Variants in CHD7 observed in about 807,000 individuals in gnomAD.
The protein encoded by CHD7 is ATP-dependent chromatin remodeler CHD7.
Under a neutral mutation model 307.3 loss-of-function variants are expected in CHD7, and 24 were observed. That is an observed-to-expected ratio of 0.08 (90% CI 0.06 to 0.11). CHD7 has a LOEUF of 0.11. CHD7 is among the 10% of genes least tolerant of loss of function. The pLI is 1.00. For synonymous variants in CHD7, 1,363 were observed against 1,349.9 expected (o/e 1.01, Z -0.21); for missense variants, 3,106 against 3,727.1 (o/e 0.83, Z 4.34).
At chr8:60,765,686 G>A (rs1030308763) in intron 2 of CHD7, among the ~76,000 whole-genome samples, 4 of 152,244 alleles carry the variant, frequency 2.6e-5, no homozygotes, top group African/African-American at 9.6e-5. Flanking sequence ...TGGTGGAGAG[G>A]AGGACATGGG....
At chr8:60,806,062 A>C (rs2150719430) in intron 6 of CHD7, among the ~76,000 whole-genome samples, 1 of 152,188 alleles carries the variant, frequency 6.6e-6, no homozygotes, top group South Asian at 2.1e-4. Flanking sequence ...ATATAAAGAT[A>C]ATATATCTTA....
chr8:60,852,470 A>G (rs1805498407), intron 29 of CHD7, 28 bp from the exon 30 acceptor site: 35 of 1,583,014 alleles, frequency 2.2e-5, no homozygotes, highest in Non-Finnish European at 2.9e-5. Context: ...CTGAAGTATG[A>G]TGCAAGCTAA....
intron 15 of CHD7, among the ~76,000 whole-genome samples, chr8:60,832,085 G>T (rs1052954734): frequency 1.3e-5 from 2 of 152,014 alleles, no homozygotes; most frequent in Admixed American, 6.6e-5. Flanking sequence ...GCGGTGGCAC[G>T]ATCTCGGCTC....
chr8:60,790,834 C>T (rs139400744), intron 3 of CHD7, among the ~76,000 whole-genome samples: 5 of 152,268 alleles, frequency 3.3e-5, no homozygotes, highest in African/African-American at 1.2e-4. Flanking sequence ...TTATATATCC[C>T]TTGTATGGGG....
At chr8:60,729,205 A>G (rs1257736914) in intron 1 of CHD7, among the ~76,000 whole-genome samples, 1 of 152,204 alleles carries the variant, frequency 6.6e-6, no homozygotes, top group African/African-American at 2.4e-5. Flanking sequence ...GGCTGAGGAA[A>G]TTTGGCATTT....
At chr8:60,734,255 C>G (rs1808593753) in intron 1 of CHD7, among the ~76,000 whole-genome samples, 2 of 152,148 alleles carry the variant, frequency 1.3e-5, no homozygotes, top group Admixed American at 1.3e-4. Flanking sequence ...GCACAGGAAT[C>G]ACTTGGGGCC....
intron 2 of CHD7, among the ~76,000 whole-genome samples, chr8:60,776,273 C>T (rs1024726064): frequency 6.6e-6 from 1 of 152,162 alleles, no homozygotes; most frequent in African/African-American, 2.4e-5. Context: ...TTCATTAATA[C>T]TGATTTTAAT....
At chr8:60,772,429 G>T (rs1449328374) in intron 2 of CHD7, among the ~76,000 whole-genome samples, 1 of 152,144 alleles carries the variant, frequency 6.6e-6, no homozygotes. Context: ...TGCTTTTCCA[G>T]AACCAAATTC....
At chr8:60,695,214 T>G (rs1292242089) in intron 1 of CHD7, among the ~76,000 whole-genome samples, 1 of 152,152 alleles carries the variant, frequency 6.6e-6, no homozygotes, top group Non-Finnish European at 1.5e-5. Flanking sequence ...AAGATCACCT[T>G]AGAAAGGTTT....
chr8:60,789,561 C>T (rs928715861), intron 3 of CHD7, among the ~76,000 whole-genome samples: 4 of 152,200 alleles, frequency 2.6e-5, no homozygotes, highest in Admixed American at 6.5e-5. Context: ...ACATTTGGGT[C>T]CACAATGTGG....
intron 1 of CHD7, among the ~76,000 whole-genome samples, chr8:60,690,799 TG>T (rs1441893758): frequency 1.3e-5 from 2 of 152,206 alleles, no homozygotes; most frequent in Non-Finnish European, 2.9e-5. Context: ...GGTGAATGGT[TG>T]GGCTATGGGA....
At chr8:60,855,690 T>C (rs1444230100) in intron 32 of CHD7, among the ~76,000 whole-genome samples, 1 of 152,260 alleles carries the variant, frequency 6.6e-6, no homozygotes, top group Non-Finnish European at 1.5e-5. Context: ...AAGGTGGTGA[T>C]TATGTAGTAC....
At chr8:60,682,520 T>C (rs1201534299) in intron 1 of CHD7, among the ~76,000 whole-genome samples, 1 of 152,236 alleles carries the variant, frequency 6.6e-6, no homozygotes, top group African/African-American at 2.4e-5. Flanking sequence ...CTTTCAAACC[T>C]AAGATTACAG....
chr8:60,682,515 A>T (rs534127131), intron 1 of CHD7, among the ~76,000 whole-genome samples: 1 of 152,330 alleles, frequency 6.6e-6, no homozygotes, highest in African/African-American at 2.4e-5. Context: ...TAGTTCTTTC[A>T]AACCTAAGAT....
At chr8:60,725,132 C>A (rs1367333303) in intron 1 of CHD7, among the ~76,000 whole-genome samples, 1 of 152,212 alleles carries the variant, frequency 6.6e-6, no homozygotes, top group East Asian at 1.9e-4. Context: ...AACACCTAGC[C>A]CAGGGCCTCT....
intron 15 of CHD7, among the ~76,000 whole-genome samples, chr8:60,834,167 ATTAT>A (rs1804645971): frequency 6.6e-6 from 1 of 152,204 alleles, no homozygotes; most frequent in Admixed American, 6.5e-5. Flanking sequence ...ATTTGACTGA[ATTAT>A]TTGTTAAAAA....
rs71245516 is a variant in CHD7 at position 60,714,406 on chromosome 8, G to GCCCCCCCCCCCCCCCCCCCCCC, written c.-174-26832_-174-26831insCCCCCCCCCCCCCCCCCCCCCC. On this transcript the variant is annotated intron_variant, in intron 1 of 37. Transcript: ENST00000423902. ...CTGACAACATGGCGGCCGGGAGAAGGCCCCCCCCCCCCCCCCCCCCCGCCC... is the reference window on the plus strand; with the variant it reads ...CTGACAACATGGCGGCCGGGAGAAGGCCCCCCCCCCCCCCCCCCCCCCCCCCCCCCCCCCCCCCCCCCCGCCC... 1.7e-4 allele frequency among the ~76,000 whole-genome samples: 3 copies of GCCCCCCCCCCCCCCCCCCCCCC among 17,626 alleles called. 1 individual carries two copies. Among genetic ancestry groups the GCCCCCCCCCCCCCCCCCCCCCC allele is most frequent in the African/African-American group, 3.8e-4 (2 of 5,314 alleles). The allele number at this position is 17,626 out of a possible 152,430, so 11.6% of individuals were successfully genotyped here. A position where few individuals can be genotyped will look rare whatever the true frequency, so the allele number is the denominator to read the frequency against.
At chr8:60,712,491 C>T (rs1807329560) in intron 1 of CHD7, among the ~76,000 whole-genome samples, 1 of 152,212 alleles carries the variant, frequency 6.6e-6, no homozygotes, top group African/African-American at 2.4e-5. Flanking sequence ...TCGGATGCCT[C>T]ATCAGGTCCA....
chr8:60,857,085 C>T (rs2129656552), intron 34 of CHD7, among the ~76,000 whole-genome samples, 197 bp downstream of exon 34: 1 of 152,318 alleles, frequency 6.6e-6, no homozygotes, highest in African/African-American at 2.4e-5. Flanking sequence ...CGAAGTGTAG[C>T]TTGAGGATGT....
Sources: allele counts gnomAD v4.1 joint callset (sites outside exome capture counted in the v4.1 genomes callset), GRCh38; gene constraint gnomAD v4.1.1; transcripts MANE v1.5; gene names NCBI Gene and HGNC (gene_info 2026-07-23, HGNC 2026-07-21).